SLC25A27: variants seen among roughly 807,000 people sequenced by gnomAD.
SLC25A27 encodes mitochondrial uncoupling protein 4.
In SLC25A27, 35 loss-of-function variants were observed where a neutral mutation model predicts 49.1. That is an observed-to-expected ratio of 0.71 (90% CI 0.54 to 0.95). The LOEUF is 0.95. Among genes scored for constraint, SLC25A27 ranks in the 40% least tolerant of loss-of-function variants. SLC25A27 has a pLI of 0.00. For missense variants in SLC25A27, 339 were observed against 397.1 expected, an observed-to-expected ratio of 0.85 and a Z score of 1.24; for synonymous variants, 144 against 136.9, an observed-to-expected ratio of 1.05 and a Z score of -0.36.
intron 8 of SLC25A27, among the ~76,000 whole-genome samples, chr6:46,676,061 G>A (rs1319065540): frequency 1.3e-5 from 2 of 152,164 alleles, no homozygotes; most frequent in Non-Finnish European, 2.9e-5. Flanking sequence ...TCTGAGAATG[G>A]AAAACAGAAG....
chr6:46,661,573 C>G (rs578044761), intron 3 of SLC25A27, among the ~76,000 whole-genome samples: 10 of 152,308 alleles, frequency 6.6e-5, no homozygotes, highest in African/African-American at 2.4e-4. Context: ...TACAGATATG[C>G]TTGTGTATGC....
At chr6:46,661,158 T>C (rs938851718) in intron 3 of SLC25A27, among the ~76,000 whole-genome samples, 6 of 151,872 alleles carry the variant, frequency 4.0e-5, no homozygotes, top group Admixed American at 6.6e-5. Flanking sequence ...TTATGAGAGA[T>C]GCAAAGAGAA....
intron 8 of SLC25A27, among the ~76,000 whole-genome samples, chr6:46,671,693 C>A (rs943907145): frequency 3.3e-5 from 5 of 151,920 alleles, no homozygotes; most frequent in Admixed American, 6.6e-5. Context: ...AATATTATGT[C>A]ATTTTTATTT....
At chr6:46,669,229 C>T (rs1243742465) in intron 6 of SLC25A27, among the ~76,000 whole-genome samples, 1 of 152,188 alleles carries the variant, frequency 6.6e-6, no homozygotes, top group East Asian at 1.9e-4. Flanking sequence ...TAAAAGGAAG[C>T]AACTAGTTAC....
Position 46,677,643 on chromosome 6 carries a change from C to A in SLC25A27, c.*1189C>A, listed in dbSNP as rs1004316686. The stretch of plus-strand genomic sequence containing the variant: ...AGAGTTCTTCAAATTCAGCTACATA[C>A]CACCGGCTCTCCCAACCTCAGACGG... On this transcript the variant is annotated 3_prime_UTR_variant, in exon 9 of 9. Coordinates refer to ENST00000371347, the MANE Select transcript of SLC25A27 (RefSeq NM_004277.5). 8.5e-5 allele frequency: 13 copies of A among 152,292 alleles called. No individual in the cohort carries two copies. Among genetic ancestry groups the A allele is most frequent in the Non-Finnish European group, 1.3e-4 (9 of 68,028 alleles). 9.4% of individuals were successfully genotyped at this position (152,292 alleles called of 1,614,324 possible). A position where few individuals can be genotyped will look rare whatever the true frequency, so the allele number is the denominator to read the frequency against.
In SLC25A27 at chr6:46,668,774, A is replaced by T. The variant is rs1300136980; in HGVS notation, c.685A>T (p.Met229Leu). Reference protein sequence around the residue: ...VLNTPLEDNIMTHGLSSLCSG... With the variant: ...VLNTPLEDNILTHGLSSLCSG... The stretch of plus-strand genomic sequence containing the variant: ...GAATACACCACTTGAGGACAATATC[A>T]TGACTCACGGTTTATCAAGGTAAGG... Residue 229 changes from methionine (M) to leucine (L), a missense_variant, in exon 6 of 9, where the codon ATG (methionine) becomes TTG (leucine). Transcript: ENST00000371347. 2.5e-6 allele frequency: 4 copies of T among 1,600,544 alleles called. No individual in the cohort carries two copies. Among genetic ancestry groups the T allele is most frequent in the Non-Finnish European group, 3.4e-6 (4 of 1,168,278 alleles).
intron 3 of SLC25A27, among the ~76,000 whole-genome samples, chr6:46,660,230 C>CTCTGTGTGTGTGTGTGTG (rs1763120583): frequency 6.8e-6 from 1 of 147,310 alleles, no homozygotes; most frequent in African/African-American, 2.5e-5. Flanking sequence ...ACCTCTGTGT[C>CTCTGTGTGTGTGTGTGTG]TGTGTGTGTG....
At chr6:46,658,448 A>C (rs370994672) in intron 2 of SLC25A27, 2 of 428,012 alleles carry the variant, frequency 4.7e-6, no homozygotes, top group Non-Finnish European at 9.2e-6. Context: ...CATACGTTTG[A>C]TGCTTAGCTG....
At chr6:46,656,062 T>G in intron 2 of SLC25A27, 28 bp downstream of exon 2, 1 of 1,577,188 alleles carries the variant, frequency 6.3e-7, no homozygotes, top group South Asian at 1.2e-5. Flanking sequence ...AGCTGGTAAG[T>G]TTGTTATGAG....
intron 8 of SLC25A27, among the ~76,000 whole-genome samples, chr6:46,675,386 A>T (rs559612734): frequency 1.8e-4 from 27 of 152,282 alleles, no homozygotes; most frequent in Non-Finnish European, 3.8e-4. Flanking sequence ...ATATGGTATC[A>T]TCGTAGCTTT....
At chr6:46,653,844 A>T (rs1202763744) in intron 1 of SLC25A27, 1 of 985,216 alleles carries the variant, frequency 1.0e-6, no homozygotes, top group Non-Finnish European at 1.2e-6. Flanking sequence ...TATGATTGCT[A>T]AACCCAAGGC....
chr6:46,667,326 G>A (rs1044687325), intron 5 of SLC25A27, among the ~76,000 whole-genome samples: 1 of 152,158 alleles, frequency 6.6e-6, no homozygotes, highest in Admixed American at 6.5e-5. Flanking sequence ...CGTCATCATC[G>A]CTTACTGGGA....
chr6:46,660,196 C>A (rs897598030), intron 3 of SLC25A27, among the ~76,000 whole-genome samples: 2 of 142,328 alleles, frequency 1.4e-5, no homozygotes, highest in African/African-American at 5.4e-5. Context: ...GATTCCACTG[C>A]CTGCACATAC....
intron 4 of SLC25A27, among the ~76,000 whole-genome samples, chr6:46,663,857 G>A (rs1562038213): frequency 6.6e-6 from 1 of 152,076 alleles, no homozygotes; most frequent in Non-Finnish European, 1.5e-5. Context: ...TTAAGCCTTG[G>A]TTTCTTCGAA....
chr6:46,662,167 G>A (rs536903510), intron 3 of SLC25A27, among the ~76,000 whole-genome samples: 1 of 152,054 alleles, frequency 6.6e-6, no homozygotes, highest in South Asian at 2.1e-4. Context: ...GGCCATATAA[G>A]GCCTGAAATT....
intron 3 of SLC25A27, among the ~76,000 whole-genome samples, chr6:46,659,544 A>G (rs1763093721): frequency 3.3e-5 from 5 of 152,354 alleles, no homozygotes; most frequent in East Asian, 3.9e-4. Context: ...TAGAGCTCCT[A>G]TAAATAAATA....
intron 6 of SLC25A27, among the ~76,000 whole-genome samples, 183 bp downstream of exon 6, chr6:46,668,976 A>T (rs1763419812): frequency 6.6e-6 from 1 of 152,204 alleles, no homozygotes; most frequent in Non-Finnish European, 1.5e-5. Flanking sequence ...GAGACAGACA[A>T]AGTTGTAGGA....
At chr6:46,667,167 C>T (rs182741798) in intron 5 of SLC25A27, among the ~76,000 whole-genome samples, 8 of 152,206 alleles carry the variant, frequency 5.3e-5, no homozygotes, top group Non-Finnish European at 7.4e-5. Flanking sequence ...ATAAATGGTG[C>T]CTCTGTCCTT....
rs3778485 is a variant in SLC25A27 at position 46,659,208 on chromosome 6, T to C, written c.383+162T>C. Among the ~76,000 whole-genome samples, 6 of 152,366 alleles carry C rather than the reference T, an allele frequency of 3.9e-5. No homozygotes were observed. The East Asian group carries it at 1.2e-3, about 29-fold the overall frequency. On this transcript the variant is annotated intron_variant, in intron 3 of 8. Transcript: ENST00000371347. ...TAATTGAGCATTTACTGCAGATGTA[T>C]ACAGACATACATGTATATACATATA... is the stretch of plus-strand genomic sequence containing the variant.
Sources: gnomAD v4.1 joint callset for allele counts (sites outside exome capture counted in the v4.1 genomes callset) on GRCh38, gnomAD v4.1.1 for gene constraint, MANE v1.5 for transcripts, NCBI Gene and HGNC (gene_info 2026-07-23, HGNC 2026-07-21) for gene names.